The following PHF24 variants were observed in gnomAD, a reference collection of about 807,000 sequenced individuals.
PHF24 encodes the protein Galpha inhibitory interacting protein.
PHF24 carries 25 observed loss-of-function variants against 42.6 expected under a neutral mutation model. That is an observed-to-expected ratio of 0.59 (90% CI 0.43 to 0.82). PHF24 has a LOEUF of 0.82. PHF24 is among the 40% of genes least tolerant of loss of function. The probability of loss-of-function intolerance (pLI) is 0.00; values close to 1 mark genes in which losing one functional copy is unlikely to be tolerated. For synonymous variants in PHF24, 185 were observed against 204.8 expected (o/e 0.90, Z 0.83); for missense variants, 470 against 538.1 (o/e 0.87, Z 1.25).
the PHF24 span, chr9:34,889,022 A>G: frequency 6.8e-5 from 27 of 398,278 alleles, no homozygotes; most frequent in Non-Finnish European, 1.1e-4. Context: ...CTCTCTGTCT[A>G]TCATATACCA....
the PHF24 span, among the ~76,000 whole-genome samples, chr9:34,882,641 G>A: frequency 1.3e-5 from 2 of 152,024 alleles, no homozygotes; most frequent in Non-Finnish European, 2.9e-5. Flanking sequence ...AAATACCTAG[G>A]AATCTAACTT....
At chr9:34,704,478 AGTGT>A in the PHF24 span, among the ~76,000 whole-genome samples, 1 of 150,600 alleles carries the variant, frequency 6.6e-6, no homozygotes, top group Non-Finnish European at 1.5e-5. Context: ...TGATTTCATT[AGTGT>A]GTGTGTGTGT....
the PHF24 span, among the ~76,000 whole-genome samples, chr9:34,672,021 T>C: frequency 2.0e-5 from 3 of 152,252 alleles, no homozygotes; most frequent in African/African-American, 7.2e-5. Context: ...TGGTAATAAT[T>C]AACATTTATG....
At chr9:34,738,858 T>A in the PHF24 span, among the ~76,000 whole-genome samples, 1 of 152,148 alleles carries the variant, frequency 6.6e-6, no homozygotes, top group Admixed American at 6.5e-5. Context: ...AGAGCAGCCA[T>A]TTGTGGTCCT....
At chr9:34,908,842 C>CTTTTTTT in the PHF24 span, among the ~76,000 whole-genome samples, 11 of 135,330 alleles carry the variant, frequency 8.1e-5, no homozygotes, top group East Asian at 2.1e-4. Context: ...CTTTTCTTTT[C>CTTTTTTT]TTTTTTTTTT....
At chr9:34,941,016 A>G in the PHF24 span, among the ~76,000 whole-genome samples, 1 of 152,204 alleles carries the variant, frequency 6.6e-6, no homozygotes, top group African/African-American at 2.4e-5. Context: ...TTTGGAGACC[A>G]GGACACCTCC....
At chr9:34,931,103 C>T in the PHF24 span, among the ~76,000 whole-genome samples, 90 of 152,160 alleles carry the variant, frequency 5.9e-4, no homozygotes, top group African/African-American at 2.1e-3. Flanking sequence ...TGAGGCCGAG[C>T]GCGGTGGCTC....
chr9:34,928,257 A>G, the PHF24 span, among the ~76,000 whole-genome samples: 2 of 151,828 alleles, frequency 1.3e-5, no homozygotes, highest in Non-Finnish European at 2.9e-5. Context: ...ACGGCACAAC[A>G]GGATGACTAT....
chr9:34,980,667 A>C (rs1827358577), exon 8 of PHF24: 1 of 152,284 alleles, frequency 6.6e-6, no homozygotes, highest in East Asian at 1.9e-4. Flanking sequence ...AAAAACGTTC[A>C]GAAACCCAGT....
the PHF24 span, among the ~76,000 whole-genome samples, chr9:34,710,294 C>A: frequency 6.6e-6 from 1 of 152,196 alleles, no homozygotes; most frequent in Non-Finnish European, 1.5e-5. Flanking sequence ...AATTTTATGT[C>A]CTCATTAGTT....
chr9:34,673,110 C>G, the PHF24 span, among the ~76,000 whole-genome samples: 1 of 152,228 alleles, frequency 6.6e-6, no homozygotes, highest in African/African-American at 2.4e-5. Context: ...AAACCCAGCA[C>G]TTTGGAAGGC....
chr9:34,785,357 G>T, the PHF24 span, among the ~76,000 whole-genome samples: 2 of 152,288 alleles, frequency 1.3e-5, no homozygotes, highest in East Asian at 3.9e-4. Context: ...CAAAGGGTCC[G>T]AAACTCTTAA....
At chr9:34,894,849 G>T in the PHF24 span, among the ~76,000 whole-genome samples, 6 of 152,266 alleles carry the variant, frequency 3.9e-5, no homozygotes, top group South Asian at 1.2e-3. Flanking sequence ...ATAAGATAGA[G>T]AATTTTTTAA....
exon 7 of PHF24, chr9:34,977,546 C>T (rs1311642723): frequency 6.2e-7 from 1 of 1,606,450 alleles, no homozygotes; most frequent in African/African-American, 1.3e-5. Flanking sequence ...TGCCCAGCAG[C>T]ATCAGCCATG....
the PHF24 span, among the ~76,000 whole-genome samples, chr9:34,711,301 C>G: frequency 6.7e-6 from 1 of 149,644 alleles, no homozygotes; most frequent in East Asian, 2.0e-4. Flanking sequence ...GGCTGGAGTG[C>G]GGTGGCACAA....
At chr9:34,898,558 T>G in the PHF24 span, among the ~76,000 whole-genome samples, 1 of 152,294 alleles carries the variant, frequency 6.6e-6, no homozygotes, top group African/African-American at 2.4e-5. Flanking sequence ...AATTCCATAA[T>G]ACAGGAATGA....
At chr9:34,691,118 T>C in the PHF24 span, 1 of 1,613,224 alleles carries the variant, frequency 6.2e-7, no homozygotes, top group Non-Finnish European at 8.5e-7. Context: ...ACCAGCAGGC[T>C]GAGGGCCAGT....
At chr9:34,714,013 A>G in the PHF24 span, among the ~76,000 whole-genome samples, 2 of 152,088 alleles carry the variant, frequency 1.3e-5, no homozygotes, top group African/African-American at 4.8e-5. Context: ...AGATGGAGGT[A>G]CTGTTGGGAG....
chr9:34,829,541 C>T, the PHF24 span, among the ~76,000 whole-genome samples: 2 of 152,098 alleles, frequency 1.3e-5, no homozygotes, highest in Non-Finnish European at 2.9e-5. Flanking sequence ...TATTGTGACC[C>T]TTCTGGGATT....
Sources: gnomAD v4.1 joint callset for allele counts (sites outside exome capture counted in the v4.1 genomes callset) on GRCh38, gnomAD v4.1.1 for gene constraint, MANE v1.5 for transcripts, NCBI Gene and HGNC (gene_info 2026-07-23, HGNC 2026-07-21) for gene names.